CDH18: variants seen among roughly 807,000 people sequenced by gnomAD.
CDH18 encodes cadherin 18.
CDH18 carries 31 observed loss-of-function variants against 67.9 expected under a neutral mutation model. The observed-to-expected ratio is 0.46, with a 90% CI of 0.34 to 0.62. The LOEUF (loss-of-function observed/expected upper bound fraction) is 0.62, where lower values mean the gene tolerates loss of function less well. Among genes scored for constraint, CDH18 ranks in the 20% least tolerant of loss-of-function variants. CDH18 has a pLI of 0.01. For missense variants in CDH18, 890 were observed against 975.5 expected (o/e 0.91, Z 1.17); for synonymous variants, 362 against 347.2 (o/e 1.04, Z -0.48).
intron 2 of CDH18, among the ~76,000 whole-genome samples, chr5:20,215,094 C>T (rs1740657868): frequency 6.6e-6 from 1 of 151,942 alleles, no homozygotes; most frequent in Non-Finnish European, 1.5e-5. Flanking sequence ...AAAAGCTCAA[C>T]ATCACTGAAC....
intron 2 of CDH18, among the ~76,000 whole-genome samples, chr5:20,105,921 T>C (rs1244195084): frequency 6.6e-5 from 10 of 152,198 alleles, no homozygotes; most frequent in Admixed American, 5.9e-4. Flanking sequence ...TTTTAATTTT[T>C]TTTTCCTGCT....
At chr5:20,116,469 T>C (rs1312106037) in intron 2 of CDH18, among the ~76,000 whole-genome samples, 1 of 151,652 alleles carries the variant, frequency 6.6e-6, no homozygotes, top group Non-Finnish European at 1.5e-5. Flanking sequence ...TGAGCTGAGA[T>C]TGCACCACTA....
At chr5:19,873,394 C>A (rs926712605) in intron 2 of CDH18, among the ~76,000 whole-genome samples, 2 of 151,862 alleles carry the variant, frequency 1.3e-5, no homozygotes, top group South Asian at 2.1e-4. Context: ...AAAACATAGT[C>A]GGTGAGGGAA....
At chr5:20,319,713 A>G (rs1456725438) in intron 1 of CDH18, among the ~76,000 whole-genome samples, 1 of 152,184 alleles carries the variant, frequency 6.6e-6, no homozygotes, top group African/African-American at 2.4e-5. Flanking sequence ...CCCAGATCTC[A>G]TAATCCATAT....
intron 1 of CDH18, among the ~76,000 whole-genome samples, chr5:20,535,360 C>T (rs1756652488): frequency 2.0e-5 from 3 of 152,182 alleles, no homozygotes; most frequent in African/African-American, 7.2e-5. Flanking sequence ...TTTAAATTCC[C>T]CATTTTTCCC....
At chr5:19,904,948 A>G (rs1368076603) in intron 2 of CDH18, among the ~76,000 whole-genome samples, 1 of 152,218 alleles carries the variant, frequency 6.6e-6, no homozygotes, top group Non-Finnish European at 1.5e-5. Context: ...TCTTAAATGC[A>G]TGTCTGAGAG....
chr5:19,826,143 A>T (rs1435787392), intron 3 of CDH18, among the ~76,000 whole-genome samples: 1 of 152,098 alleles, frequency 6.6e-6, no homozygotes, highest in Admixed American at 6.5e-5. Flanking sequence ...AGACTCAAAG[A>T]CTGGTTCTCT....
intron 1 of CDH18, among the ~76,000 whole-genome samples, chr5:20,422,047 A>G (rs1029689550): frequency 1.3e-5 from 2 of 151,092 alleles, no homozygotes; most frequent in Admixed American, 1.3e-4. Flanking sequence ...GACACATCAG[A>G]CTAATAGTTT....
chr5:19,519,084 G>C (rs1254565559), intron 10 of CDH18, among the ~76,000 whole-genome samples: 1 of 152,142 alleles, frequency 6.6e-6, no homozygotes, highest in Non-Finnish European at 1.5e-5. Context: ...TTGAAAGCCT[G>C]TTGCTCACAC....
intron 1 of CDH18, among the ~76,000 whole-genome samples, chr5:20,555,881 C>T (rs191056748): frequency 4.2e-4 from 64 of 152,206 alleles, no homozygotes; most frequent in Non-Finnish European, 7.9e-4. Flanking sequence ...CATTCCCCCA[C>T]GTATCTCAAA....
rs932274376 is a variant in CDH18, at chr5:20,247,214, T to G, written c.-518+8230A>C. On this transcript the variant is annotated intron_variant, in intron 2 of 14. Coordinates refer to the CDH18 transcript ENST00000507958. ...CAGATCTCAGCCTCCTGATACTCCA[T>G]GAGTATTTTTGGAGGTATATTCTAT... Among the ~76,000 whole-genome samples, 5 of 152,156 alleles carry G rather than the reference T, an allele frequency of 3.3e-5. No homozygotes were observed. In the South Asian group the frequency reaches 8.3e-4, roughly 25 times the overall value.
At chr5:19,955,193 C>T (rs951877269) in intron 2 of CDH18, among the ~76,000 whole-genome samples, 29 of 152,026 alleles carry the variant, frequency 1.9e-4, no homozygotes, top group Admixed American at 1.8e-3. Context: ...TGAGGCCTCC[C>T]CAGTTATGCT....
intron 3 of CDH18, among the ~76,000 whole-genome samples, chr5:19,769,789 A>G (rs565934468): frequency 6.6e-6 from 1 of 152,116 alleles, no homozygotes; most frequent in African/African-American, 2.4e-5. Context: ...GTGCTACCAA[A>G]AAAGTGAAAG....
intron 6 of CDH18, among the ~76,000 whole-genome samples, chr5:19,609,085 A>G (rs1490860140): frequency 1.3e-5 from 2 of 151,966 alleles, no homozygotes; most frequent in Non-Finnish European, 2.9e-5. Context: ...CATAACCCAG[A>G]ATAAAGTTTT....
intron 1 of CDH18, chr5:20,304,948 C>A: frequency 1.2e-6 from 2 of 1,613,812 alleles, no homozygotes; most frequent in Non-Finnish European, 1.7e-6. Context: ...TATCCAATCC[C>A]GCACGGAGCA....
intron 2 of CDH18, among the ~76,000 whole-genome samples, chr5:19,897,936 T>C (rs968378394): frequency 2.0e-5 from 3 of 152,104 alleles, no homozygotes; most frequent in Admixed American, 6.5e-5. Context: ...TCTGTTTCTT[T>C]ATCTGGATGA....
intron 1 of CDH18, among the ~76,000 whole-genome samples, chr5:20,297,327 A>G (rs111670976): frequency 9.2e-5 from 14 of 152,348 alleles, no homozygotes; most frequent in Admixed American, 5.9e-4. Flanking sequence ...AAATTGACAC[A>G]TTGAGGCCAA....
intron 5 of CDH18, among the ~76,000 whole-genome samples, chr5:19,696,057 A>C (rs1762494897): frequency 6.6e-6 from 1 of 152,228 alleles, no homozygotes; most frequent in African/African-American, 2.4e-5. Flanking sequence ...TTTAAAACTT[A>C]TATCTTGATT....
At chr5:20,342,166 G>C (rs1012243137) in intron 1 of CDH18, among the ~76,000 whole-genome samples, 12 of 152,092 alleles carry the variant, frequency 7.9e-5, no homozygotes, top group Non-Finnish European at 1.5e-5. Flanking sequence ...AGCCTCACCC[G>C]GTGTCTACTG....
Sources: gnomAD v4.1 joint callset for allele counts (sites outside exome capture counted in the v4.1 genomes callset) on GRCh38, gnomAD v4.1.1 for gene constraint, MANE v1.5 for transcripts, NCBI Gene and HGNC (gene_info 2026-07-23, HGNC 2026-07-21) for gene names.